COG5: variants seen among roughly 807,000 people sequenced by gnomAD.
The protein encoded by COG5 is component of oligomeric golgi complex 5.
Under a neutral mutation model 110.4 loss-of-function variants are expected in COG5, and 86 were observed. That is an observed-to-expected ratio of 0.78 (90% confidence interval 0.65 to 0.93). The LOEUF (loss-of-function observed/expected upper bound fraction) is 0.93, where lower values mean the gene tolerates loss of function less well. Among genes scored for constraint, COG5 ranks in the 40% least tolerant of loss-of-function variants. The pLI, the probability that COG5 is intolerant of heterozygous loss-of-function variation, is 0.00. For synonymous variants in COG5, 360 were observed against 334.6 expected (o/e 1.08, Z -0.83); for missense variants, 1,077 against 987.0 (o/e 1.09, Z -1.22).
chr7:107,410,284 A>C (rs1384783820), intron 7 of COG5, among the ~76,000 whole-genome samples: 4 of 152,208 alleles, frequency 2.6e-5, no homozygotes, highest in Non-Finnish European at 5.9e-5. Context: ...TTTGAGAATC[A>C]TCAGTTAGGT....
At position 107,211,067 on chromosome 7, in the gene COG5, C is replaced by G. The variant is rs189995949; in HGVS notation, c.2295+32G>C. 1.7e-4 allele frequency: 268 copies of G among 1,612,816 alleles called. 1 individual carries two copies. In the East Asian group the frequency reaches 6.0e-3, roughly 36 times the overall value. ...TTCACACAGGTAATGGGAAGAGTCA[C>G]AAAAGGGTTCTGGCTTGACTTTATT... On this transcript the variant is annotated intron_variant, in intron 20 of 21. Transcript: ENST00000297135.
At chr7:107,267,590 T>C (rs1380450252) in intron 14 of COG5, among the ~76,000 whole-genome samples, 1 of 152,220 alleles carries the variant, frequency 6.6e-6, no homozygotes, top group African/African-American at 2.4e-5. Context: ...ACATGAAATG[T>C]ACAGAATAAG....
At chr7:107,535,589 C>T (rs539124774) in intron 5 of COG5, among the ~76,000 whole-genome samples, 1 of 152,208 alleles carries the variant, frequency 6.6e-6, no homozygotes, top group Non-Finnish European at 1.5e-5. Context: ...TGGACATATA[C>T]ACCCTCCCAA....
intron 6 of COG5, among the ~76,000 whole-genome samples, chr7:107,518,547 T>A (rs1297750517): frequency 6.6e-6 from 1 of 151,462 alleles, no homozygotes; most frequent in Admixed American, 6.6e-5. Flanking sequence ...CCAACAAAGA[T>A]CAAAAAAGAC....
At chr7:107,536,198 G>A (rs986339501) in intron 5 of COG5, among the ~76,000 whole-genome samples, 1 of 151,414 alleles carries the variant, frequency 6.6e-6, no homozygotes, top group Non-Finnish European at 1.5e-5. Context: ...CATTCCCTTT[G>A]AAAACTGGCA....
chr7:107,357,682 T>C (rs1812752759), intron 10 of COG5, among the ~76,000 whole-genome samples: 1 of 152,196 alleles, frequency 6.6e-6, no homozygotes, highest in Non-Finnish European at 1.5e-5. Flanking sequence ...TCTCTCTCTT[T>C]CTTCCTGAAA....
chr7:107,276,996 T>C (rs961013752), intron 14 of COG5, among the ~76,000 whole-genome samples: 2 of 152,204 alleles, frequency 1.3e-5, no homozygotes, highest in African/African-American at 4.8e-5. Context: ...AACTAAAGCC[T>C]ATTGCTTAGA....
intron 5 of COG5, among the ~76,000 whole-genome samples, chr7:107,530,193 C>T (rs2129159349): frequency 6.6e-6 from 1 of 152,284 alleles, no homozygotes; most frequent in East Asian, 1.9e-4. Context: ...ACCTCTATTC[C>T]TACAAGCATC....
chr7:107,483,571 G>C (rs1365229062), intron 6 of COG5, among the ~76,000 whole-genome samples: 1 of 152,074 alleles, frequency 6.6e-6, no homozygotes, highest in African/African-American at 2.4e-5. Context: ...GGGTGTGGTG[G>C]TGCATGCCTG....
chr7:107,396,625 C>A (rs551714835), intron 7 of COG5, among the ~76,000 whole-genome samples: 1 of 151,400 alleles, frequency 6.6e-6, no homozygotes, highest in East Asian at 1.9e-4. Flanking sequence ...AAGTGATACA[C>A]CGAGTGCCTA....
rs142864962 is a variant in COG5, at chr7:107,325,608, G to A, written c.1027-1087C>T. Among the ~76,000 whole-genome samples, 954 of 152,232 alleles carry A rather than the reference G, an allele frequency of 6.3e-3. 8 individuals are homozygous for A. Among genetic ancestry groups the A allele is most frequent in the Middle Eastern group, 0.017 (5 of 294 alleles). ...CGAGGTTGCAGTGAGCCAAGATTGC[G>A]CCACTGCACTTCAGCCTGGGCAACA... On this transcript the variant is annotated intron_variant, in intron 10 of 21. Coordinates refer to ENST00000297135, the MANE Select transcript of COG5 (RefSeq NM_006348.5).
chr7:107,325,979 CTTAGT>C (rs750817689), intron 10 of COG5, among the ~76,000 whole-genome samples: 4 of 152,142 alleles, frequency 2.6e-5, no homozygotes, highest in Non-Finnish European at 5.9e-5. Context: ...TCTTGCATAT[CTTAGT>C]TTAAAGTAGA....
At chr7:107,502,800 A>G (rs1798717397) in intron 6 of COG5, among the ~76,000 whole-genome samples, 1 of 152,036 alleles carries the variant, frequency 6.6e-6, no homozygotes, top group African/African-American at 2.4e-5. Context: ...TTTCTCGACC[A>G]TTTGCATATC....
At position 107,527,216 on chromosome 7, in the gene COG5, T is replaced by A. The variant is rs568603073; in HGVS notation, c.538+21A>T. ...TTTAAATCTCTACTAACTTTTTATT[T>A]AAAAAAAAAAAAAAACTTACCAAGT... is the stretch of plus-strand genomic sequence containing the variant. On this transcript the variant is annotated intron_variant, in intron 6 of 21. Transcript: ENST00000297135. 3.9e-4 allele frequency: 534 copies of A among 1,386,810 alleles called. 1 individual carries two copies. The African/African-American group carries it at 6.0e-3, about 16-fold the overall frequency. The allele number at this position is 1,386,810 out of a possible 1,614,324, so 85.9% of individuals were successfully genotyped here.
chr7:107,237,357 A>G (rs530953690), intron 17 of COG5, among the ~76,000 whole-genome samples: 3 of 152,360 alleles, frequency 2.0e-5, no homozygotes, highest in Admixed American at 2.0e-4. Flanking sequence ...TTTAAAGAAT[A>G]TATTAAAAGA....
intron 11 of COG5, among the ~76,000 whole-genome samples, chr7:107,306,360 G>A (rs1012536814): frequency 1.6e-4 from 24 of 151,994 alleles, no homozygotes; most frequent in Non-Finnish European, 3.1e-4. Flanking sequence ...ATTTTTAGAA[G>A]CAAATAAACA....
In COG5 at chr7:107,474,162, A is replaced by G; in HGVS notation, c.538+53075T>C. 1 of 1,611,002 alleles carries G rather than the reference A, an allele frequency of 6.2e-7. No homozygotes were observed. Among genetic ancestry groups the G allele is most frequent in the Non-Finnish European group, 8.5e-7 (1 of 1,177,428 alleles). ...TCAACACCAATATGTACCAACCACTATCATATCCGTTAAGCTTTCAAGTGT... is the reference window on the plus strand; with the variant it reads ...TCAACACCAATATGTACCAACCACTGTCATATCCGTTAAGCTTTCAAGTGT... On this transcript the variant is annotated intron_variant, in intron 6 of 21. Transcript: ENST00000297135. This position sits in a 1 kb window ranked among gnomAD's most constrained non-coding sequence, Gnocchi z 5.7.
intron 6 of COG5, among the ~76,000 whole-genome samples, chr7:107,484,191 C>T (rs1584882369): frequency 6.6e-6 from 1 of 152,034 alleles, no homozygotes; most frequent in African/African-American, 2.4e-5. Context: ...GCTGGGGTGA[C>T]AGGCGTGCAC....
chr7:107,217,194 GAACA>G (rs1165276787), intron 19 of COG5, among the ~76,000 whole-genome samples: 2 of 151,910 alleles, frequency 1.3e-5, no homozygotes, highest in Admixed American at 1.3e-4. Context: ...AACAGAAATA[GAACA>G]AACAGAGAAT....
Sources: allele counts gnomAD v4.1 joint callset (sites outside exome capture counted in the v4.1 genomes callset), GRCh38; gene constraint gnomAD v4.1.1; non-coding constraint Gnocchi (gnomAD v3.1); transcripts MANE v1.5; gene names NCBI Gene and HGNC (gene_info 2026-07-23, HGNC 2026-07-21).